ADK: variants seen among roughly 807,000 people sequenced by gnomAD.
ADK encodes adenosine kinase.
ADK carries 24 observed loss-of-function variants against 44.7 expected under a neutral mutation model. The ratio of observed to expected loss-of-function variants is 0.54; its 90% CI spans 0.39 to 0.76. ADK has a LOEUF of 0.76. Among genes scored for constraint, ADK ranks in the 30% least tolerant of loss-of-function variants. The pLI, the probability that ADK is intolerant of heterozygous loss-of-function variation, is 0.00. For missense variants in ADK, 321 were observed against 425.1 expected, an observed-to-expected ratio of 0.76 and a Z score of 2.15; for synonymous variants, 128 against 142.6, an observed-to-expected ratio of 0.90 and a Z score of 0.73.
chr10:74,195,707 C>CTTTTTTTTTTTTTTTTTTTTTT (rs71475265), intron 1 of ADK, among the ~76,000 whole-genome samples: 8 of 97,526 alleles, frequency 8.2e-5, no homozygotes, highest in East Asian at 3.0e-4. Flanking sequence ...TCTTTTCTTT[C>CTTTTTTTTTTTTTTTTTTTTTT]TTTTTTTTTT....
At chr10:74,430,938 G>GA (rs1380758423) in intron 6 of ADK, among the ~76,000 whole-genome samples, 1 of 151,978 alleles carries the variant, frequency 6.6e-6, no homozygotes, top group Non-Finnish European at 1.5e-5. Context: ...CTGCTATATA[G>GA]AAAATAGATG....
intron 7 of ADK, 78 bp from the exon 8 acceptor site, chr10:74,589,204 A>G (rs1039662622): frequency 7.7e-7 from 1 of 1,301,162 alleles, no homozygotes; most frequent in South Asian, 1.2e-5. Flanking sequence ...AAGAAGACTG[A>G]ATGAGTTTCA....
At chr10:74,481,983 A>G (rs1314763548) in intron 6 of ADK, among the ~76,000 whole-genome samples, 2 of 152,206 alleles carry the variant, frequency 1.3e-5, no homozygotes, top group Non-Finnish European at 2.9e-5. Context: ...CATCTAGGGA[A>G]GATTCATCGT....
chr10:74,344,087 A>G (rs1290101249), intron 4 of ADK, among the ~76,000 whole-genome samples: 4 of 152,112 alleles, frequency 2.6e-5, no homozygotes, highest in Non-Finnish European at 5.9e-5. Context: ...TTTTGCTAGT[A>G]TTTTGTTGAG....
At chr10:74,520,702 G>T (rs1286139139) in intron 6 of ADK, among the ~76,000 whole-genome samples, 1 of 151,992 alleles carries the variant, frequency 6.6e-6, no homozygotes, top group East Asian at 1.9e-4. Context: ...TAGAGTGGTT[G>T]TGTAATGTGT....
intron 1 of ADK, among the ~76,000 whole-genome samples, chr10:74,197,294 A>G (rs1265878456): frequency 6.6e-6 from 1 of 152,206 alleles, no homozygotes; most frequent in Non-Finnish European, 1.5e-5. Flanking sequence ...AATGACTTCA[A>G]ATGACCTTAA....
intron 6 of ADK, among the ~76,000 whole-genome samples, chr10:74,461,165 T>A (rs1020380788): frequency 6.6e-6 from 1 of 152,032 alleles, no homozygotes; most frequent in African/African-American, 2.4e-5. Context: ...TTTTAAACAA[T>A]GCCATTTAAG....
At position 74,250,096 on chromosome 10, in the gene ADK, AAATGCAGAGATGAGT is replaced by A. The variant is rs1460355357; in HGVS notation, c.194+25508_194+25522del. Among the ~76,000 whole-genome samples the A allele has an allele frequency of 1.2e-4, 18 of 152,352 alleles. No individual in the cohort carries two copies. In the Middle Eastern group the frequency reaches 0.01, roughly 86 times the overall value. ...ACTGAATGCTTACTCTATGTACTAG[AAATGCAGAGATGAGT>A]AAGATACAACCTGGCCCTGAAAAAA... On this transcript the variant is annotated intron_variant, in intron 3 of 10. Transcript: ENST00000539909.
At chr10:74,232,391 A>T (rs745951246) in intron 3 of ADK, among the ~76,000 whole-genome samples, 3 of 151,700 alleles carry the variant, frequency 2.0e-5, no homozygotes, top group Non-Finnish European at 2.9e-5. Context: ...GCATGGTGGC[A>T]CTCACCTGCA....
At chr10:74,205,103 A>C (rs11000919) in intron 2 of ADK, among the ~76,000 whole-genome samples, 2 of 151,546 alleles carry the variant, frequency 1.3e-5, no homozygotes, top group South Asian at 2.1e-4. Flanking sequence ...AAACAAAAAA[A>C]CCCAAATTTC....
chr10:74,276,056 A>T (rs1042904187), intron 3 of ADK, among the ~76,000 whole-genome samples: 1 of 152,200 alleles, frequency 6.6e-6, no homozygotes, highest in Non-Finnish European at 1.5e-5. Context: ...GTAAAGAGCC[A>T]AATTCCACCT....
Position 74,525,000 on chromosome 10 carries a change from CCAG to C in ADK, c.556-255_556-253del, listed in dbSNP as rs1165577213. 2.6e-5 allele frequency among the ~76,000 whole-genome samples: 4 copies of C among 152,236 alleles called. No individual in the cohort carries two copies. In the East Asian group the frequency reaches 7.7e-4, roughly 29 times the overall value. On this transcript the variant is annotated intron_variant, in intron 6 of 10. Coordinates refer to ENST00000539909, the MANE Select transcript of ADK (RefSeq NM_006721.4). ...CAAACATTTTTTCTTTCATGAATTT[CCAG>C]AATTCTTTAGTATTGAGCATATAAA... is the stretch of plus-strand genomic sequence containing the variant.
At chr10:74,616,497 T>C (rs1427182574) in intron 9 of ADK, among the ~76,000 whole-genome samples, 1 of 152,216 alleles carries the variant, frequency 6.6e-6, no homozygotes, top group East Asian at 1.9e-4. Flanking sequence ...TTTCCCTAAC[T>C]GCATTACATT....
chr10:74,425,309 G>T (rs1844751313), intron 6 of ADK, among the ~76,000 whole-genome samples: 1 of 152,184 alleles, frequency 6.6e-6, no homozygotes. Flanking sequence ...AAGTTTGAAA[G>T]AGGTTAATTT....
intron 4 of ADK, among the ~76,000 whole-genome samples, chr10:74,380,091 T>C (rs1415480257): frequency 1.3e-5 from 2 of 152,346 alleles, no homozygotes; most frequent in African/African-American, 4.8e-5. Context: ...AAACATTTTT[T>C]TCTTCATAGC....
At chr10:74,606,234 A>G (rs895286101) in intron 9 of ADK, among the ~76,000 whole-genome samples, 4 of 151,678 alleles carry the variant, frequency 2.6e-5, no homozygotes, top group Non-Finnish European at 4.4e-5. Context: ...TTTTGTGTCT[A>G]ACTCCTTCAC....
chr10:74,413,438 A>G (rs1317714912), intron 6 of ADK, among the ~76,000 whole-genome samples: 1 of 152,196 alleles, frequency 6.6e-6, no homozygotes, highest in Non-Finnish European at 1.5e-5. Context: ...TTTACCTTGC[A>G]CTTTTATGAT....
At chr10:74,632,881 C>A (rs1437344952) in intron 9 of ADK, among the ~76,000 whole-genome samples, 1 of 152,012 alleles carries the variant, frequency 6.6e-6, no homozygotes, top group African/African-American at 2.4e-5. Context: ...TTTCTTATTT[C>A]TCCTTCCTTT....
At chr10:74,540,715 C>G (rs189805899) in intron 7 of ADK, among the ~76,000 whole-genome samples, 1 of 152,276 alleles carries the variant, frequency 6.6e-6, no homozygotes, top group East Asian at 1.9e-4. Flanking sequence ...CTGCCTCGGC[C>G]TCCCATGTGC....
Sources: gnomAD v4.1 joint callset for allele counts (sites outside exome capture counted in the v4.1 genomes callset) on GRCh38, gnomAD v4.1.1 for gene constraint, MANE v1.5 for transcripts, NCBI Gene and HGNC (gene_info 2026-07-23, HGNC 2026-07-21) for gene names.